The following ADGRL3 variants were observed in gnomAD, a reference collection of about 807,000 sequenced individuals.
ADGRL3 encodes the protein adhesion G protein-coupled receptor L3, also known as calcium-independent alpha-latrotoxin receptor 3.
ADGRL3 carries 62 observed loss-of-function variants against 153.5 expected under a neutral mutation model. That is an observed-to-expected ratio of 0.40 (90% CI 0.33 to 0.50). The LOEUF (loss-of-function observed/expected upper bound fraction) is 0.50. ADGRL3 is among the 20% of genes least tolerant of loss of function. ADGRL3 has a pLI of 0.47. For missense variants in ADGRL3, 1,641 were observed against 1,859.4 expected (o/e 0.88, Z 2.16); for synonymous variants, 710 against 672.5 (o/e 1.06, Z -0.86).
chr4:62,007,470 G>GTA (rs199589568), intron 21 of ADGRL3, among the ~76,000 whole-genome samples: 1,858 of 124,398 alleles, frequency 0.015, 21 homozygotes, highest in Non-Finnish European at 0.019. Flanking sequence ...ATATGTGTGT[G>GTA]TATATATATA....
At chr4:61,736,836 T>G (rs1336981040) in intron 8 of ADGRL3, among the ~76,000 whole-genome samples, 5 of 152,150 alleles carry the variant, frequency 3.3e-5, no homozygotes, top group Non-Finnish European at 7.4e-5. Flanking sequence ...CCTGTTAAAT[T>G]TGTCAGTATA....
At chr4:61,967,935 C>T (rs1035537447) in intron 17 of ADGRL3, among the ~76,000 whole-genome samples, 1 of 152,112 alleles carries the variant, frequency 6.6e-6, no homozygotes, top group Non-Finnish European at 1.5e-5. Context: ...CAGAATCTGG[C>T]AAGGATACTT....
chr4:61,416,149 A>G (rs2097142358), intron 2 of ADGRL3, among the ~76,000 whole-genome samples: 1 of 152,088 alleles, frequency 6.6e-6, no homozygotes, highest in Non-Finnish European at 1.5e-5. Flanking sequence ...TTAGGTAAAA[A>G]TCCATAAAAA....
intron 6 of ADGRL3, among the ~76,000 whole-genome samples, chr4:61,701,015 C>T (rs750816570): frequency 6.2e-4 from 94 of 152,268 alleles, no homozygotes; most frequent in Middle Eastern, 6.8e-3. Flanking sequence ...AGTGATACCA[C>T]AATACTGTCA....
chr4:61,893,038 C>A, intron 10 of ADGRL3, 80 bp downstream of exon 10: 1 of 822,680 alleles, frequency 1.2e-6, no homozygotes, highest in Non-Finnish European at 1.7e-6. Context: ...CCTTTTCCTT[C>A]CTCCTTTCCT....
chr4:61,608,575 A>T lies in ADGRL3; in HGVS notation c.473+21135A>T, dbSNP rs115443420. ...TTGTTACTTAGCTATTTTATTATTTATTTGGCTCTTTTGCTGACCTTTCTG... is the reference window on the plus strand; with the variant it reads ...TTGTTACTTAGCTATTTTATTATTTTTTTGGCTCTTTTGCTGACCTTTCTG... On this transcript the variant is annotated intron_variant, in intron 5 of 26. Coordinates refer to ENST00000683033, the MANE Select transcript of ADGRL3 (RefSeq NM_001387552.1). Among the ~76,000 whole-genome samples, 354 of 152,288 alleles carry T rather than the reference A, an allele frequency of 2.3e-3. 7 individuals are homozygous for T. Among genetic ancestry groups the T allele is most frequent in the African/African-American group, 8.1e-3 (336 of 41,558 alleles).
intron 21 of ADGRL3, among the ~76,000 whole-genome samples, chr4:62,008,874 T>C (rs914439570): frequency 6.6e-6 from 1 of 152,132 alleles, no homozygotes; most frequent in Non-Finnish European, 1.5e-5. Flanking sequence ...TCTCATAAGA[T>C]TGTAATACCA....
chr4:62,029,913 C>T (rs1245783010), intron 22 of ADGRL3, among the ~76,000 whole-genome samples: 2 of 151,278 alleles, frequency 1.3e-5, no homozygotes, highest in Non-Finnish European at 3.0e-5. Flanking sequence ...GAGAGCTTTT[C>T]CTTGAAAGTT....
At chr4:61,237,205 T>C (rs532280250) in intron 1 of ADGRL3, among the ~76,000 whole-genome samples, 100 of 152,318 alleles carry the variant, frequency 6.6e-4, no homozygotes, top group Non-Finnish European at 7.5e-4. Context: ...ACCGTATATA[T>C]TCATGGTGGC....
At chr4:61,486,754 C>A (rs749949778) in intron 2 of ADGRL3, among the ~76,000 whole-genome samples, 2 of 151,928 alleles carry the variant, frequency 1.3e-5, no homozygotes, top group African/African-American at 4.8e-5. Flanking sequence ...TTGGGAAAAC[C>A]TTTCTTTTTT....
intron 8 of ADGRL3, among the ~76,000 whole-genome samples, chr4:61,812,889 G>A (rs1318574885): frequency 1.3e-5 from 2 of 151,892 alleles, no homozygotes; most frequent in Non-Finnish European, 2.9e-5. Context: ...TTTAAATTGT[G>A]GTTAGTTGTT....
At chr4:61,251,708 A>C (rs919034095) in intron 1 of ADGRL3, among the ~76,000 whole-genome samples, 1 of 152,104 alleles carries the variant, frequency 6.6e-6, no homozygotes, top group South Asian at 2.1e-4. Flanking sequence ...TCAGAGGCCT[A>C]AAACTACTGT....
At chr4:61,937,869 G>C (rs553317353) in intron 15 of ADGRL3, among the ~76,000 whole-genome samples, 1 of 152,110 alleles carries the variant, frequency 6.6e-6, no homozygotes, top group Non-Finnish European at 1.5e-5. Context: ...GTCAAATTAA[G>C]TTGTGTGTTC....
At chr4:61,493,599 T>G (rs769719818) in intron 2 of ADGRL3, among the ~76,000 whole-genome samples, 5 of 152,164 alleles carry the variant, frequency 3.3e-5, no homozygotes, top group African/African-American at 7.2e-5. Context: ...CTCTGAAAAA[T>G]GCGCCACTGT....
At chr4:61,876,532 C>A (rs2098476294) in intron 9 of ADGRL3, among the ~76,000 whole-genome samples, 1 of 152,162 alleles carries the variant, frequency 6.6e-6, no homozygotes, top group Non-Finnish European at 1.5e-5. Flanking sequence ...CCAAAAATGA[C>A]AATTTCACTC....
At chr4:61,365,156 T>G (rs1028838217) in intron 1 of ADGRL3, among the ~76,000 whole-genome samples, 1 of 152,104 alleles carries the variant, frequency 6.6e-6, no homozygotes, top group African/African-American at 2.4e-5. Flanking sequence ...CCCAGACATC[T>G]CTTTAGCCAA....
intron 5 of ADGRL3, among the ~76,000 whole-genome samples, chr4:61,609,139 T>A (rs2099043735): frequency 6.6e-6 from 1 of 152,080 alleles, no homozygotes; most frequent in African/African-American, 2.4e-5. Context: ...GGCAGGAAAA[T>A]CATTGCCAAC....
At chr4:61,576,746 T>C (rs1162931420) in intron 4 of ADGRL3, among the ~76,000 whole-genome samples, 1 of 151,622 alleles carries the variant, frequency 6.6e-6, no homozygotes, top group Non-Finnish European at 1.5e-5. Flanking sequence ...GGAATACATA[T>C]CAACTTCTAG....
chr4:61,262,478 G>A (rs763467693), intron 1 of ADGRL3, among the ~76,000 whole-genome samples: 1 of 151,880 alleles, frequency 6.6e-6, no homozygotes, highest in Admixed American at 6.6e-5. Flanking sequence ...TAAAAAAATT[G>A]GGCAACATTT....
Sources: allele counts gnomAD v4.1 joint callset (sites outside exome capture counted in the v4.1 genomes callset), GRCh38; gene constraint gnomAD v4.1.1; transcripts MANE v1.5; gene names NCBI Gene and HGNC (gene_info 2026-07-23, HGNC 2026-07-21).